EBF1: variants seen among roughly 807,000 people sequenced by gnomAD.
EBF1 encodes the protein EBF transcription factor 1.
Under a neutral mutation model 68.4 loss-of-function variants are expected in EBF1, and 10 were observed. The ratio of observed to expected loss-of-function variants is 0.15; its 90% CI spans 0.09 to 0.25. EBF1 has a LOEUF of 0.25. EBF1 is among the 10% of genes least tolerant of loss of function. EBF1 has a pLI of 1.00. For synonymous variants in EBF1, 298 were observed against 299.8 expected (o/e 0.99, Z 0.06); for missense variants, 509 against 794.4 (o/e 0.64, Z 4.32).
chr5:159,058,240 G>C (rs1014826219), intron 6 of EBF1, among the ~76,000 whole-genome samples: 2 of 152,252 alleles, frequency 1.3e-5, no homozygotes, highest in African/African-American at 2.4e-5. Flanking sequence ...TAAACCTGGA[G>C]GAGGGGGATG....
intron 6 of EBF1, among the ~76,000 whole-genome samples, chr5:158,992,917 C>CTTTTTTTT (rs148629320): frequency 2.7e-5 from 2 of 72,842 alleles, no homozygotes; most frequent in East Asian, 4.5e-4. Context: ...CTGTTTCTTT[C>CTTTTTTTT]TTTTTTTTTT....
intron 6 of EBF1, among the ~76,000 whole-genome samples, chr5:158,994,646 G>A (rs1380095899): frequency 6.6e-6 from 1 of 152,180 alleles, no homozygotes; most frequent in African/African-American, 2.4e-5. Context: ...GTCTCATAAC[G>A]AGAGTGACTG....
At chr5:158,745,705 G>A (rs1350518310) in intron 10 of EBF1, among the ~76,000 whole-genome samples, 1 of 152,196 alleles carries the variant, frequency 6.6e-6, no homozygotes, top group East Asian at 1.9e-4. Context: ...GATATAATTT[G>A]TTGTCTAAAT....
At chr5:158,951,610 A>G (rs1472109032) in intron 6 of EBF1, among the ~76,000 whole-genome samples, 1 of 152,190 alleles carries the variant, frequency 6.6e-6, no homozygotes, top group East Asian at 1.9e-4. Context: ...AAATATGACT[A>G]AGTAGGCCCT....
intron 11 of EBF1, among the ~76,000 whole-genome samples, chr5:158,719,211 T>C (rs913789814): frequency 1.3e-5 from 2 of 152,202 alleles, no homozygotes; most frequent in Non-Finnish European, 2.9e-5. Flanking sequence ...CACTTTTTTA[T>C]GAATTTGCTC....
intron 6 of EBF1, among the ~76,000 whole-genome samples, chr5:158,880,908 T>C (rs1042566067): frequency 2.0e-5 from 3 of 152,186 alleles, no homozygotes; most frequent in African/African-American, 7.2e-5. Flanking sequence ...GAAATGTCAT[T>C]CACCCAGGAG....
intron 6 of EBF1, among the ~76,000 whole-genome samples, chr5:158,876,859 C>T (rs1057132412): frequency 2.6e-5 from 4 of 152,096 alleles, no homozygotes; most frequent in Admixed American, 1.3e-4. Context: ...TCTGCTCATG[C>T]CCAGCTTTGG....
At chr5:159,074,217 C>T (rs1778325450) in intron 5 of EBF1, among the ~76,000 whole-genome samples, 1 of 152,158 alleles carries the variant, frequency 6.6e-6, no homozygotes. Context: ...AGCCTATGGG[C>T]TCGAAAAGTA....
intron 6 of EBF1, among the ~76,000 whole-genome samples, chr5:158,961,320 G>A (rs544513526): frequency 3.1e-5 from 1 of 32,352 alleles, no homozygotes; most frequent in East Asian, 2.6e-4. Flanking sequence ...GAGGAATTAA[G>A]CTTAAAGGAA....
chr5:158,698,750 A>C lies in EBF1; in HGVS notation c.*361T>G, dbSNP rs1306954805. 3 of 230,232 alleles carry C rather than the reference A, an allele frequency of 1.3e-5. No homozygotes were observed. In the Admixed American group the frequency reaches 1.7e-4, roughly 13 times the overall value. 14.3% of individuals were successfully genotyped at this position (230,232 alleles called of 1,614,324 possible). ...AAAAACATCATAAATTAAAACATGG[A>C]GTCTTATTTATAGTGTCCCTTGTAT... On this transcript the variant is annotated 3_prime_UTR_variant, in exon 16 of 16. Transcript: ENST00000313708.
chr5:158,732,121 T>C (rs1204700925), intron 10 of EBF1, among the ~76,000 whole-genome samples: 1 of 152,150 alleles, frequency 6.6e-6, no homozygotes. Flanking sequence ...AGGTGGGTGT[T>C]TTTTTAAAAT....
At position 158,929,511 on chromosome 5, in the gene EBF1, T is replaced by C. The variant is rs138567840; in HGVS notation, c.555-89401A>G. ...TTTTTAAAAAGTCTGCTAGGACCCC[T>C]ATAATGGTGTCATTTACACTCCAGT... On this transcript the variant is annotated intron_variant, in intron 6 of 15. Transcript: ENST00000313708. 7.7e-3 allele frequency among the ~76,000 whole-genome samples: 1,178 copies of C among 152,180 alleles called. 9 individuals carry two copies. Among genetic ancestry groups the C allele is most frequent in the Middle Eastern group, 0.034 (10 of 294 alleles).
rs1022638868 is a variant in EBF1, at chr5:158,801,303, T to C, written c.779-4828A>G. ...CCCAAAGGTACTGCAAGGCACAAAA[T>C]GCTAATTCTGAAGATTATGTGTGTG... is the stretch of plus-strand genomic sequence containing the variant. On this transcript the variant is annotated intron_variant, in intron 8 of 15. Coordinates refer to ENST00000313708, the MANE Select transcript of EBF1 (RefSeq NM_024007.5). Among the ~76,000 whole-genome samples, 7 of 152,246 alleles carry C rather than the reference T, an allele frequency of 4.6e-5. No individual in the cohort carries two copies. In the South Asian group the frequency reaches 1.5e-3, roughly 32 times the overall value.
intron 4 of EBF1, among the ~76,000 whole-genome samples, chr5:159,086,488 A>G (rs1369816272): frequency 6.6e-6 from 1 of 152,188 alleles, no homozygotes; most frequent in Non-Finnish European, 1.5e-5. Context: ...TTTATATTTC[A>G]TGACATTGAT....
intron 5 of EBF1, chr5:159,073,929 TTC>T (rs1434483826): frequency 6.5e-6 from 1 of 152,990 alleles, no homozygotes; most frequent in Admixed American, 6.5e-5. Flanking sequence ...TTCCTTTTTC[TTC>T]TCTTTTCTCC....
intron 6 of EBF1, among the ~76,000 whole-genome samples, chr5:158,912,666 A>G (rs528374576): frequency 1.3e-5 from 2 of 152,170 alleles, no homozygotes; most frequent in Non-Finnish European, 2.9e-5. Context: ...CAACAACTCC[A>G]TGAAGAAGAT....
At chr5:159,040,948 G>T (rs1224303117) in intron 6 of EBF1, among the ~76,000 whole-genome samples, 2 of 152,166 alleles carry the variant, frequency 1.3e-5, no homozygotes, top group Non-Finnish European at 2.9e-5. Flanking sequence ...ACAGGTGGCT[G>T]TATGTAGACA....
At chr5:159,026,115 T>C (rs1767669856) in intron 6 of EBF1, among the ~76,000 whole-genome samples, 1 of 152,174 alleles carries the variant, frequency 6.6e-6, no homozygotes, top group Non-Finnish European at 1.5e-5. Flanking sequence ...GAAGGTGATT[T>C]CAGATGATGC....
intron 6 of EBF1, among the ~76,000 whole-genome samples, chr5:158,963,564 A>G (rs1295414275): frequency 1.3e-5 from 2 of 152,188 alleles, no homozygotes; most frequent in Non-Finnish European, 2.9e-5. Context: ...AAAGCATGCA[A>G]TGTAGAATCA....
Sources: gnomAD v4.1 joint callset for allele counts (sites outside exome capture counted in the v4.1 genomes callset) on GRCh38, gnomAD v4.1.1 for gene constraint, MANE v1.5 for transcripts, NCBI Gene and HGNC (gene_info 2026-07-23, HGNC 2026-07-21) for gene names.